Variants in XRCC4 observed in about 807,000 individuals in gnomAD.
XRCC4 encodes the protein X-ray repair cross complementing 4.
XRCC4 carries 28 observed loss-of-function variants against 39.1 expected under a neutral mutation model. The ratio of observed to expected loss-of-function variants is 0.72; its 90% CI spans 0.53 to 0.98. The LOEUF is 0.98. Among genes scored for constraint, XRCC4 ranks in the 50% least tolerant of loss-of-function variants. XRCC4 has a pLI of 0.00. For missense variants in XRCC4, 350 were observed against 376.4 expected (o/e 0.93, Z 0.58); for synonymous variants, 123 against 126.4 (o/e 0.97, Z 0.18).
chr5:83,116,821 C>T (rs1239521879), intron 3 of XRCC4, among the ~76,000 whole-genome samples: 2 of 151,938 alleles, frequency 1.3e-5, no homozygotes, highest in Non-Finnish European at 2.9e-5. Flanking sequence ...GGGGTTGTGC[C>T]ATATGGGCCA....
intron 7 of XRCC4, among the ~76,000 whole-genome samples, chr5:83,275,537 C>T (rs948194851): frequency 2.0e-5 from 3 of 151,972 alleles, no homozygotes; most frequent in Non-Finnish European, 4.4e-5. Flanking sequence ...CCTCGTGATC[C>T]GCCCGCCTCG....
chr5:83,190,579 T>A (rs1233720824), intron 3 of XRCC4, among the ~76,000 whole-genome samples: 1 of 152,218 alleles, frequency 6.6e-6, no homozygotes, highest in African/African-American at 2.4e-5. Flanking sequence ...TGTAGTCTAC[T>A]TTGATAATAT....
At chr5:83,142,604 A>T (rs1748236661) in intron 3 of XRCC4, among the ~76,000 whole-genome samples, 2 of 152,228 alleles carry the variant, frequency 1.3e-5, no homozygotes, top group Admixed American at 1.3e-4. Context: ...AGCAAGAGAA[A>T]TTGAACATCC....
chr5:83,255,898 A>G (rs919905220), intron 6 of XRCC4, among the ~76,000 whole-genome samples: 4 of 152,200 alleles, frequency 2.6e-5, no homozygotes, highest in African/African-American at 7.2e-5. Flanking sequence ...TTAGCAGGTT[A>G]TCTCTAGGTG....
downstream of XRCC4, among the ~76,000 whole-genome samples, chr5:83,354,150 A>G (rs4703951): frequency 0.28 from 42,902 of 152,104 alleles, 9,155 homozygotes; most frequent in East Asian, 0.71. Context: ...TAGTCCTCAC[A>G]TTACTAAGCC....
At chr5:83,157,263 G>A (rs1749007734) in intron 3 of XRCC4, among the ~76,000 whole-genome samples, 1 of 152,068 alleles carries the variant, frequency 6.6e-6, no homozygotes, top group African/African-American at 2.4e-5. Flanking sequence ...GTCTCTGTGT[G>A]ATCACACTAT....
chr5:83,243,243 G>A (rs1460245979), intron 6 of XRCC4, among the ~76,000 whole-genome samples: 1 of 152,146 alleles, frequency 6.6e-6, no homozygotes, highest in Non-Finnish European at 1.5e-5. Flanking sequence ...CAGGAAAGAT[G>A]AAAATATATT....
At chr5:83,130,020 A>G (rs368372713) in intron 3 of XRCC4, among the ~76,000 whole-genome samples, 1 of 152,100 alleles carries the variant, frequency 6.6e-6, no homozygotes, top group Non-Finnish European at 1.5e-5. Context: ...TAGGGGTGGT[A>G]AGAGAGGGCA....
intron 1 of XRCC4, among the ~76,000 whole-genome samples, chr5:83,101,372 T>C (rs984713547): frequency 2.0e-5 from 3 of 152,114 alleles, no homozygotes; most frequent in African/African-American, 7.2e-5. Context: ...CTAAGTAATA[T>C]GTGTCATTTT....
chr5:83,079,609 G>A (rs1488676946), intron 1 of XRCC4, among the ~76,000 whole-genome samples: 1 of 152,120 alleles, frequency 6.6e-6, no homozygotes, highest in Admixed American at 6.5e-5. Flanking sequence ...ACTCACTGCA[G>A]CCTCAACCTC....
chr5:83,373,337 C>T, the XRCC4 span, among the ~76,000 whole-genome samples: 2 of 152,002 alleles, frequency 1.3e-5, no homozygotes, highest in African/African-American at 2.4e-5. Context: ...CTTTGTTTTT[C>T]CTCACCATAA....
chr5:83,166,475 T>G (rs1275600700), intron 3 of XRCC4, among the ~76,000 whole-genome samples: 1 of 147,790 alleles, frequency 6.8e-6, no homozygotes, highest in African/African-American at 2.5e-5. Flanking sequence ...TTTTTTTTTC[T>G]TTTTTTGAGA....
intron 1 of XRCC4, among the ~76,000 whole-genome samples, chr5:83,083,656 A>G (rs1237578775): frequency 6.6e-6 from 1 of 150,526 alleles, no homozygotes; most frequent in African/African-American, 2.4e-5. Context: ...GATTACAGGC[A>G]TGAAGGTGCT....
At chr5:83,164,643 A>G (rs1399849550) in intron 3 of XRCC4, among the ~76,000 whole-genome samples, 1 of 152,136 alleles carries the variant, frequency 6.6e-6, no homozygotes, top group African/African-American at 2.4e-5. Flanking sequence ...TGTGGTAATT[A>G]TTTCACAATG....
intron 6 of XRCC4, among the ~76,000 whole-genome samples, chr5:83,240,753 G>A (rs1207863253): frequency 6.6e-6 from 1 of 152,144 alleles, no homozygotes; most frequent in Non-Finnish European, 1.5e-5. Context: ...GGAAAAACCA[G>A]TACCACGGTA....
intron 5 of XRCC4, among the ~76,000 whole-genome samples, chr5:83,204,476 T>C (rs3777041): frequency 0.099 from 15,036 of 152,042 alleles, 1,428 homozygotes; most frequent in African/African-American, 0.25. Context: ...ATGCGAACTG[T>C]TCTGAGATTA....
At chr5:83,331,081 C>T (rs1174796008) in intron 7 of XRCC4, among the ~76,000 whole-genome samples, 1 of 152,040 alleles carries the variant, frequency 6.6e-6, no homozygotes, top group African/African-American at 2.4e-5. Context: ...GCTGTGTGCC[C>T]TCCTGGTGTA....
intron 3 of XRCC4, among the ~76,000 whole-genome samples, chr5:83,136,858 G>C (rs1747921223): frequency 6.6e-6 from 1 of 152,018 alleles, no homozygotes; most frequent in Admixed American, 6.5e-5. Context: ...ATATTAATGG[G>C]TTCTGGAGAT....
chr5:83,255,004 T>G (rs1465267685), intron 6 of XRCC4, among the ~76,000 whole-genome samples: 5 of 151,726 alleles, frequency 3.3e-5, no homozygotes, highest in Admixed American at 3.3e-4. Flanking sequence ...GGAGAGTTGT[T>G]TGAACCCAGG....
Sources: allele counts gnomAD v4.1 joint callset (sites outside exome capture counted in the v4.1 genomes callset), GRCh38; gene constraint gnomAD v4.1.1; transcripts MANE v1.5; gene names NCBI Gene and HGNC (gene_info 2026-07-23, HGNC 2026-07-21).